FGF14: variants seen among roughly 807,000 people sequenced by gnomAD.
FGF14 encodes fibroblast growth factor homologous factor 4.
Under a neutral mutation model 25.5 loss-of-function variants are expected in FGF14, and 5 were observed. The observed-to-expected ratio is 0.20, with a 90% CI of 0.10 to 0.41. The LOEUF is 0.41. Ranked by LOEUF, FGF14 falls within the 10% of genes least tolerant of loss-of-function variation. The probability of loss-of-function intolerance (pLI) is 1.00; values close to 1 mark genes in which losing one functional copy is unlikely to be tolerated. For missense variants in FGF14, 222 were observed against 320.1 expected, an observed-to-expected ratio of 0.69 and a Z score of 2.34; for synonymous variants, 138 against 118.3, an observed-to-expected ratio of 1.17 and a Z score of -1.08.
intron 1 of FGF14, among the ~76,000 whole-genome samples, chr13:102,082,528 C>T (rs1375721661): frequency 6.6e-6 from 1 of 152,146 alleles, no homozygotes; most frequent in Non-Finnish European, 1.5e-5. Flanking sequence ...GTGTTCTGAA[C>T]CCTGTAAAAT....
At chr13:102,372,440 C>T (rs1327566387) in intron 1 of FGF14, among the ~76,000 whole-genome samples, 2 of 152,120 alleles carry the variant, frequency 1.3e-5, no homozygotes, top group Non-Finnish European at 2.9e-5. Context: ...AAGCAGCAGA[C>T]GAGAAGACTA....
At chr13:101,812,680 T>G (rs1275793266) in intron 3 of FGF14, among the ~76,000 whole-genome samples, 1 of 123,142 alleles carries the variant, frequency 8.1e-6, no homozygotes, top group Non-Finnish European at 1.7e-5. Flanking sequence ...TTTTTTTTTT[T>G]TTACGGAGTT....
chr13:101,748,463 T>C (rs2037040362), intron 3 of FGF14, among the ~76,000 whole-genome samples: 1 of 151,254 alleles, frequency 6.6e-6, no homozygotes, highest in Non-Finnish European at 1.5e-5. Flanking sequence ...TATGGATTAA[T>C]AGACACTGGA....
chr13:102,197,287 G>A (rs1332513887), intron 1 of FGF14, among the ~76,000 whole-genome samples: 2 of 152,036 alleles, frequency 1.3e-5, no homozygotes, highest in African/African-American at 4.8e-5. Context: ...ATCATGAGTA[G>A]GAAACAATTT....
intron 3 of FGF14, among the ~76,000 whole-genome samples, chr13:101,768,654 A>C (rs542530539): frequency 6.6e-6 from 1 of 152,272 alleles, no homozygotes; most frequent in East Asian, 1.9e-4. Context: ...AGAGCAAAGA[A>C]ATAGACCCAC....
At chr13:101,834,377 G>A (rs960665107) in intron 3 of FGF14, among the ~76,000 whole-genome samples, 1 of 152,000 alleles carries the variant, frequency 6.6e-6, no homozygotes, top group Non-Finnish European at 1.5e-5. Context: ...CAAACCATCA[G>A]CAAAGGGATG....
intron 3 of FGF14, among the ~76,000 whole-genome samples, chr13:101,757,254 T>A (rs2037724863): frequency 6.6e-6 from 1 of 152,166 alleles, no homozygotes. Context: ...CTTAACAAAG[T>A]CCTATAGCCT....
intron 3 of FGF14, among the ~76,000 whole-genome samples, chr13:101,770,209 G>A (rs2038683123): frequency 6.6e-6 from 1 of 152,102 alleles, no homozygotes; most frequent in African/African-American, 2.4e-5. Flanking sequence ...AATCACTTAT[G>A]AATTGTTTGG....
At chr13:101,923,767 A>T (rs1203381360) in intron 1 of FGF14, among the ~76,000 whole-genome samples, 1 of 152,082 alleles carries the variant, frequency 6.6e-6, no homozygotes, top group Non-Finnish European at 1.5e-5. Context: ...TCTATTAAAA[A>T]ACTGGAAGGA....
intron 1 of FGF14, among the ~76,000 whole-genome samples, chr13:102,035,451 C>T (rs1027768935): frequency 6.6e-6 from 1 of 152,092 alleles, no homozygotes. Flanking sequence ...TAGCTACTTG[C>T]TCTTGGGCTC....
chr13:102,226,782 T>C (rs1194398941), intron 1 of FGF14, among the ~76,000 whole-genome samples: 1 of 152,178 alleles, frequency 6.6e-6, no homozygotes, highest in African/African-American at 2.4e-5. Flanking sequence ...AGCCAAATCT[T>C]TATTTCTAAC....
At chr13:101,731,130 A>T (rs1055831535) in intron 3 of FGF14, among the ~76,000 whole-genome samples, 1 of 152,164 alleles carries the variant, frequency 6.6e-6, no homozygotes, top group Non-Finnish European at 1.5e-5. Context: ...GAACCAAAGA[A>T]AGAGGAGCCC....
At chr13:102,251,492 A>G (rs536980593) in intron 1 of FGF14, among the ~76,000 whole-genome samples, 74 of 152,304 alleles carry the variant, frequency 4.9e-4, no homozygotes, top group African/African-American at 1.8e-3. Flanking sequence ...ACAGGATCTC[A>G]TGATGAAACA....
intron 1 of FGF14, among the ~76,000 whole-genome samples, chr13:101,876,884 G>T (rs184667307): frequency 2.0e-5 from 3 of 152,164 alleles, no homozygotes; most frequent in Admixed American, 6.5e-5. Flanking sequence ...CCTTAGTTTT[G>T]CTGTATTTTA....
intron 3 of FGF14, among the ~76,000 whole-genome samples, chr13:101,733,456 G>A (rs146600858): frequency 6.9e-4 from 105 of 151,936 alleles, no homozygotes; most frequent in Admixed American, 2.6e-4. Flanking sequence ...TTAGCTGGGC[G>A]TAGTGGCACA....
At chr13:102,268,208 T>A (rs1292209352) in intron 1 of FGF14, among the ~76,000 whole-genome samples, 1 of 152,112 alleles carries the variant, frequency 6.6e-6, no homozygotes, top group Non-Finnish European at 1.5e-5. Context: ...ACATCCAACA[T>A]AAGTCCAAGC....
chr13:101,984,972 T>C (rs2038481782), intron 1 of FGF14, among the ~76,000 whole-genome samples: 1 of 152,022 alleles, frequency 6.6e-6, no homozygotes, highest in African/African-American at 2.4e-5. Flanking sequence ...TTTTATAAGA[T>C]TAGGAAAGAC....
chr13:101,845,082 T>C (rs1335389470), intron 3 of FGF14, among the ~76,000 whole-genome samples: 2 of 152,016 alleles, frequency 1.3e-5, no homozygotes, highest in African/African-American at 4.8e-5. Context: ...CCCTTGTTAG[T>C]ACTTTGCAAA....
intron 3 of FGF14, among the ~76,000 whole-genome samples, chr13:101,770,107 C>CT (rs1309409323): frequency 2.0e-5 from 3 of 147,276 alleles, no homozygotes; most frequent in African/African-American, 7.4e-5. Context: ...TTCTGAGCAT[C>CT]TAAGAGTGCT....
Sources: gnomAD v4.1 joint callset for allele counts (sites outside exome capture counted in the v4.1 genomes callset) on GRCh38, gnomAD v4.1.1 for gene constraint, MANE v1.5 for transcripts, NCBI Gene and HGNC (gene_info 2026-07-23, HGNC 2026-07-21) for gene names.